Variants in MC2R observed in about 807,000 individuals in gnomAD.
MC2R encodes the protein melanocortin 2 receptor.
In MC2R, 9 loss-of-function variants were observed where a neutral mutation model predicts 9.8. That is an observed-to-expected ratio of 0.92 (90% CI 0.55 to 1.60). MC2R has a LOEUF of 1.60. Among genes scored for constraint, MC2R ranks in the 40% most tolerant of loss-of-function variants. The pLI is 0.00. For missense variants in MC2R, 370 were observed against 389.0 expected (o/e 0.95, Z 0.41); for synonymous variants, 185 against 154.7 (o/e 1.20, Z -1.45).
At chr18:13,903,485 T>C (rs146422704) in intron 1 of MC2R, among the ~76,000 whole-genome samples, 186 of 152,308 alleles carry the variant, frequency 1.2e-3, no homozygotes, top group African/African-American at 4.1e-3. Flanking sequence ...ATATGGTACA[T>C]ATACAAAATG....
At chr18:13,895,075 C>T (rs2149138493) in intron 1 of MC2R, among the ~76,000 whole-genome samples, 1 of 152,282 alleles carries the variant, frequency 6.6e-6, no homozygotes, top group South Asian at 2.1e-4. Flanking sequence ...TTGTATCTTC[C>T]CGGGTAACTG....
rs116680735 is a variant in MC2R, at chr18:13,910,245, A to T, written c.-129+5243T>A. Reference sequence around the variant, plus strand: ...CCTGGCTATATTTGTGTGGGCCTGTATTTGTGTGGTCCTTACTGTTTCATT... The same window carrying T: ...CCTGGCTATATTTGTGTGGGCCTGTTTTTGTGTGGTCCTTACTGTTTCATT... On this transcript the variant is annotated intron_variant, in intron 1 of 1. Transcript: ENST00000327606. Among the ~76,000 whole-genome samples, 598 of 152,136 alleles carry T rather than the reference A, an allele frequency of 3.9e-3. 6 individuals carry two copies. The highest frequency in any genetic ancestry group is 0.013 in the African/African-American group (538 of 41,496).
rs1023420930 is a variant in MC2R at position 13,882,728 on chromosome 18, C to A, written c.*1897G>T. On this transcript the variant is annotated 3_prime_UTR_variant, in exon 2 of 2. Transcript: ENST00000327606. ...AAAAGGTTACCTCTTATTGAGAATA[C>A]GCACTTTAATCACATAAAATATGTT... The A allele has an allele frequency of 3.9e-5, 6 of 152,286 alleles. No individual in the cohort carries two copies. Among genetic ancestry groups the A allele is most frequent in the African/African-American group, 1.4e-4 (6 of 41,566 alleles). 9.4% of individuals were successfully genotyped at this position (152,286 alleles called of 1,614,324 possible).
chr18:13,912,902 G>T (rs987980672), intron 1 of MC2R, among the ~76,000 whole-genome samples: 1 of 152,034 alleles, frequency 6.6e-6, no homozygotes, highest in African/African-American at 2.4e-5. Flanking sequence ...GGCCTTCAAG[G>T]GAGCCTTATT....
At chr18:13,896,688 G>T (rs2045347880) in intron 1 of MC2R, among the ~76,000 whole-genome samples, 1 of 152,104 alleles carries the variant, frequency 6.6e-6, no homozygotes, top group African/African-American at 2.4e-5. Context: ...AATATCTGGA[G>T]CAAGGAACAC....
chr18:13,893,210 TTA>T (rs139583255), intron 1 of MC2R, among the ~76,000 whole-genome samples: 1,688 of 152,314 alleles, frequency 0.011, 30 homozygotes, highest in African/African-American at 0.039. Context: ...ATCCGGAAGT[TTA>T]TATGTCTGCA....
At chr18:13,889,899 C>G in intron 1 of MC2R, among the ~76,000 whole-genome samples, 1 of 152,030 alleles carries the variant, frequency 6.6e-6, no homozygotes, top group East Asian at 1.9e-4. Context: ...GGAGTTGAGG[C>G]CCAGAGACCA....
At chr18:13,910,319 G>A (rs1359048823) in intron 1 of MC2R, among the ~76,000 whole-genome samples, 1 of 152,116 alleles carries the variant, frequency 6.6e-6, no homozygotes, top group Admixed American at 6.6e-5. Flanking sequence ...TTGATTACTG[G>A]CTTTAGAGTA....
chr18:13,902,537 G>A (rs944186884), intron 1 of MC2R, among the ~76,000 whole-genome samples: 1 of 151,870 alleles, frequency 6.6e-6, no homozygotes, highest in South Asian at 2.1e-4. Flanking sequence ...AAACAGATCC[G>A]GACACCTATG....
At chr18:13,906,663 C>T (rs1198662839) in intron 1 of MC2R, among the ~76,000 whole-genome samples, 1 of 152,150 alleles carries the variant, frequency 6.6e-6, no homozygotes, top group East Asian at 1.9e-4. Flanking sequence ...ACTGTGAGAG[C>T]TGACAAACAA....
chr18:13,892,375 C>T (rs2045320286), intron 1 of MC2R, among the ~76,000 whole-genome samples: 1 of 152,104 alleles, frequency 6.6e-6, no homozygotes, highest in East Asian at 1.9e-4. Context: ...AGATGTGAGC[C>T]CTCAATAAGC....
At chr18:13,905,573 G>C (rs1032999148) in intron 1 of MC2R, among the ~76,000 whole-genome samples, 1 of 151,984 alleles carries the variant, frequency 6.6e-6, no homozygotes, top group Non-Finnish European at 1.5e-5. Flanking sequence ...TCAGAATGGC[G>C]ATTATTAAAA....
At position 13,883,787 on chromosome 18, in the gene MC2R, A is replaced by G. The variant is rs1298865080; in HGVS notation, c.*838T>C. On this transcript the variant is annotated 3_prime_UTR_variant, in exon 2 of 2. Transcript: ENST00000327606. Reference sequence around the variant, plus strand: ...TAGTGACAATTTTCATCTGGCCTTTATGTATTCCCACATGGGAACTAAATG... The same window carrying G: ...TAGTGACAATTTTCATCTGGCCTTTGTGTATTCCCACATGGGAACTAAATG... 6.6e-6 allele frequency: 1 copy of G among 152,180 alleles called. No individual in the cohort carries two copies. Among genetic ancestry groups the G allele is most frequent in the Non-Finnish European group, 1.5e-5 (1 of 68,050 alleles). 9.4% of individuals were successfully genotyped at this position (152,180 alleles called of 1,614,324 possible). A position where few individuals can be genotyped will look rare whatever the true frequency, so the allele number is the denominator to read the frequency against.
At chr18:13,909,667 G>T (rs115282516) in intron 1 of MC2R, among the ~76,000 whole-genome samples, 259 of 152,226 alleles carry the variant, frequency 1.7e-3, no homozygotes, top group African/African-American at 6.0e-3. Context: ...TGCTTAAATT[G>T]TTCCAACTTT....
intron 1 of MC2R, among the ~76,000 whole-genome samples, chr18:13,902,466 C>T (rs1291799463): frequency 6.6e-6 from 1 of 152,122 alleles, no homozygotes; most frequent in African/African-American, 2.4e-5. Flanking sequence ...GTAACCAAAA[C>T]AGGCATGGTA....
chr18:13,901,531 A>G (rs917886132), intron 1 of MC2R, among the ~76,000 whole-genome samples: 5 of 152,042 alleles, frequency 3.3e-5, no homozygotes, highest in African/African-American at 1.2e-4. Flanking sequence ...AGATATAAAT[A>G]AATAAAATAG....
intron 1 of MC2R, among the ~76,000 whole-genome samples, chr18:13,897,414 G>A (rs529006177): frequency 6.6e-6 from 1 of 152,144 alleles, no homozygotes; most frequent in Non-Finnish European, 1.5e-5. Flanking sequence ...CAGTCTCTAA[G>A]TAAACTTGAA....
chr18:13,887,022 G>A (rs1160122717), intron 1 of MC2R, among the ~76,000 whole-genome samples: 3 of 152,272 alleles, frequency 2.0e-5, no homozygotes, highest in South Asian at 4.1e-4. Context: ...TTGTTTGCCT[G>A]AAACATGGAC....
At chr18:13,891,603 G>A (rs9959473) in intron 1 of MC2R, among the ~76,000 whole-genome samples, 26,844 of 152,166 alleles carry the variant, frequency 0.18, 3,128 homozygotes, top group African/African-American at 0.34. Context: ...CAGGCTTTTG[G>A]ATTATTGCCA....
Sources: allele counts gnomAD v4.1 joint callset (sites outside exome capture counted in the v4.1 genomes callset), GRCh38; gene constraint gnomAD v4.1.1; transcripts MANE v1.5; gene names NCBI Gene and HGNC (gene_info 2026-07-23, HGNC 2026-07-21).